The following PTPRF variants were observed in gnomAD, a reference collection of about 807,000 sequenced individuals.
PTPRF encodes protein tyrosine phosphatase receptor type F.
PTPRF carries 59 observed loss-of-function variants against 201.8 expected under a neutral mutation model. The observed-to-expected ratio is 0.29, with a 90% CI of 0.24 to 0.36. The LOEUF (loss-of-function observed/expected upper bound fraction) is 0.36, where lower values mean the gene tolerates loss of function less well. Among genes scored for constraint, PTPRF ranks in the 10% least tolerant of loss-of-function variants. PTPRF has a pLI of 1.00. For synonymous variants in PTPRF, 1,088 were observed against 1,089.7 expected (o/e 1.00, Z 0.03); for missense variants, 2,132 against 2,690.5 (o/e 0.79, Z 4.59).
intron 8 of PTPRF, 55 bp downstream of exon 8, chr1:43,589,055 G>A: frequency 1.4e-6 from 2 of 1,471,372 alleles, no homozygotes; most frequent in Non-Finnish European, 9.0e-7. Flanking sequence ...GGAGGTCCTG[G>A]TGGTGGGCGA....
At chr1:43,559,443 G>A (rs1002343022) in intron 5 of PTPRF, among the ~76,000 whole-genome samples, 3 of 152,096 alleles carry the variant, frequency 2.0e-5, no homozygotes, top group Non-Finnish European at 2.9e-5. Flanking sequence ...TGTGTGGGCA[G>A]TAGGCAGTGT....
intron 6 of PTPRF, chr1:43,575,796 T>G: frequency 7.6e-6 from 7 of 926,134 alleles, no homozygotes; most frequent in African/African-American, 1.7e-5. Flanking sequence ...TTTCTCCATG[T>G]ATTTAAGGCC....
chr1:43,619,288 C>T lies in PTPRF; in HGVS notation c.4647C>T (p.Ser1549=), dbSNP rs767692370. Residue 1549 remains serine (S), a splice_region_variant and synonymous_variant, in exon 28 of 34, where the codon AGC becomes AGT. Transcript: ENST00000359947. ...CTCAAGCTGAGCCCGTGTCCTGCAG[C>T]GCGGGCGTGGGCCGCACCGGCTGCT... The part of the protein sequence containing the change: ...LDAGPMVVHC[S]AGVGRTGCFI... 1.5e-5 allele frequency: 24 copies of T among 1,612,910 alleles called. No individual in the cohort carries two copies. Among genetic ancestry groups the T allele is most frequent in the South Asian group, 8.8e-5 (8 of 91,070 alleles).
In PTPRF at chr1:43,554,239, C is replaced by T. The variant is rs971773034; in HGVS notation, c.379+298C>T. 1.3e-5 allele frequency among the ~76,000 whole-genome samples: 2 copies of T among 152,096 alleles called. No individual in the cohort carries two copies. Among genetic ancestry groups the T allele is most frequent in the Admixed American group, 6.6e-5 (1 of 15,264 alleles). ...AGGTGTGGAGCTGCAGCTGTGTATC[C>T]CTTGGGTTACGTGGTTATGGCTGTG... is the stretch of plus-strand genomic sequence containing the variant. On this transcript the variant is annotated intron_variant, in intron 5 of 33. Coordinates refer to ENST00000359947, the MANE Select transcript of PTPRF (RefSeq NM_002840.5). This position sits in a 1 kb window ranked among gnomAD's most constrained non-coding sequence, Gnocchi z 4.1.
At chr1:43,522,368 A>T (rs1642979192), upstream of PTPRF, among the ~76,000 whole-genome samples, 1 of 152,032 alleles carries the variant, frequency 6.6e-6, no homozygotes, top group Admixed American at 6.6e-5. Flanking sequence ...CTTCCTAGTG[A>T]CTGTTCGTTT....
At position 43,588,675 on chromosome 1, in the gene PTPRF, C is replaced by T; in HGVS notation, c.680-56C>T. 3 of 1,591,126 alleles carry T rather than the reference C, an allele frequency of 1.9e-6. No homozygotes were observed. Among genetic ancestry groups the T allele is most frequent in the Non-Finnish European group, 2.6e-6 (3 of 1,169,378 alleles). On this transcript the variant is annotated intron_variant, in intron 7 of 33. Coordinates refer to ENST00000359947, the MANE Select transcript of PTPRF (RefSeq NM_002840.5). This position sits in a 1 kb window ranked among gnomAD's most constrained non-coding sequence, Gnocchi z 5.3. ...TCCTGAATGAGGGGCCCCTGCCCTT[C>T]CATGCAGTCGTGTGTCCTGCCCGGC...
At chr1:43,558,604 C>T (rs1459919436) in intron 5 of PTPRF, among the ~76,000 whole-genome samples, 1 of 152,206 alleles carries the variant, frequency 6.6e-6, no homozygotes, top group Non-Finnish European at 1.5e-5. Context: ...AAGCCATTAG[C>T]GCGCCAGCCT....
rs1659062098 is a variant in PTPRF at position 43,620,910 on chromosome 1, G to C, written c.5437G>C (p.Glu1813Gln). 6.2e-7 allele frequency: 1 copy of C among 1,614,210 alleles called. No individual in the cohort carries two copies. Among genetic ancestry groups the C allele is most frequent in the Non-Finnish European group, 8.5e-7 (1 of 1,180,020 alleles). The change falls in exon 32 of 34, where the codon GAG becomes CAG. Residue 1813 changes from glutamate to glutamine, a missense_variant. By Grantham distance (29) the Glu-to-Gln change is conservative. Transcript: ENST00000359947. ...WPEQGVPKTG[E>Q]GFIDFIGQVH... The stretch of plus-strand genomic sequence containing the variant: ...AGAGCAGGGCGTGCCCAAGACAGGC[G>C]AGGGATTCATTGACTTCATCGGGCA...
At chr1:43,611,039 G>A (rs182829099) in intron 22 of PTPRF, among the ~76,000 whole-genome samples, 31 of 152,342 alleles carry the variant, frequency 2.0e-4, no homozygotes, top group Admixed American at 2.0e-3. Flanking sequence ...TACCAAGTTT[G>A]CCAACCCCTG....
intron 5 of PTPRF, among the ~76,000 whole-genome samples, chr1:43,560,550 G>A (rs943200105): frequency 1.1e-4 from 17 of 152,154 alleles, no homozygotes; most frequent in Non-Finnish European, 2.9e-5. Flanking sequence ...CAAGCAGCCC[G>A]AGCTGAAGTG....
At chr1:43,598,495 A>G in intron 12 of PTPRF, 2 of 534,846 alleles carry the variant, frequency 3.7e-6, no homozygotes. Flanking sequence ...ACCAAGTGAG[A>G]GGCCTGGGCC....
At chr1:43,524,882 A>C (rs1643051546), upstream of PTPRF, among the ~76,000 whole-genome samples, 2 of 152,202 alleles carry the variant, frequency 1.3e-5, no homozygotes, top group South Asian at 2.1e-4. Context: ...GGAGGGCTGG[A>C]ATAGCCGTTA....
chr1:43,619,364 G>A lies in PTPRF; in HGVS notation c.4723G>A (p.Asp1575Asn), dbSNP rs374607021. The change falls in exon 28 of 34, where the codon GAC becomes AAC. Residue 1575 changes from aspartate to asparagine, a missense_variant. By Grantham distance (23) the Asp-to-Asn change is conservative. Around this residue, in one of 6 missense-constraint regions of PTPRF, gnomAD observed 519 missense variants for 659.5 expected, o/e 0.79. Transcript: ENST00000359947. ...GCGGATGAAGCACGAGAAGACGGTG[G>A]ACATCTATGGCCACGTGACCTGCAT... is the stretch of plus-strand genomic sequence containing the variant. The part of the protein sequence containing the change: ...LERMKHEKTV[D>N]IYGHVTCMRS... 2 of 1,614,048 alleles carry A rather than the reference G, an allele frequency of 1.2e-6. No homozygotes were observed. The highest frequency in any genetic ancestry group is 1.7e-6 in the Non-Finnish European group (2 of 1,180,028).
Position 43,602,222 on chromosome 1 carries a change from G to A in PTPRF, c.2340+125G>A. 3.3e-6 allele frequency: 4 copies of A among 1,217,780 alleles called. No individual in the cohort carries two copies. The Admixed American group carries it at 5.5e-5, about 17-fold the overall frequency. 75.4% of individuals were successfully genotyped at this position (1,217,780 alleles called of 1,614,324 possible). A position where few individuals can be genotyped will look rare whatever the true frequency, so the allele number is the denominator to read the frequency against. ...ATCCACAGGGCTCTAGCCACATCAG[G>A]AGAAAATTGGCGTTTAGACACAAGC... On this transcript the variant is annotated intron_variant, in intron 14 of 33. Transcript: ENST00000359947.
At chr1:43,579,622 T>A (rs1245803431) in intron 7 of PTPRF, 1 of 264,926 alleles carries the variant, frequency 3.8e-6, no homozygotes, top group African/African-American at 2.2e-5. Flanking sequence ...CAATCTCTGC[T>A]ATGCTCACAG....
In PTPRF at chr1:43,538,241, C is replaced by T. The variant is rs1487110480; in HGVS notation, c.-82C>T. ...GTGCCCGGCCCTTGGTGCTGAGTAT[C>T]CAGCAAGAGTGACCGGGGTGAAGAA... is the stretch of plus-strand genomic sequence containing the variant. On this transcript the variant is annotated 5_prime_UTR_variant, in exon 2 of 34. Coordinates refer to ENST00000359947, the MANE Select transcript of PTPRF (RefSeq NM_002840.5). 1 of 398,490 alleles carries T rather than the reference C, an allele frequency of 2.5e-6. No individual in the cohort carries two copies. The highest frequency in any genetic ancestry group is 2.1e-5 in the African/African-American group (1 of 48,604). The allele number at this position is 398,490 out of a possible 1,614,324, so 24.7% of individuals were successfully genotyped here.
Position 43,546,815 on chromosome 1 carries a change from C to T in PTPRF, c.91+1649C>T, listed in dbSNP as rs2153966063. On this transcript the variant is annotated intron_variant, in intron 3 of 33. Transcript: ENST00000359947. This position sits in a 1 kb window ranked among gnomAD's most constrained non-coding sequence, Gnocchi z 4.2. ...CGGTCACCCAAGTCAGAACCTGGGC[C>T]TCCTCCAGCCTCCTCCCTCCGTGAT... is the stretch of plus-strand genomic sequence containing the variant. Among the ~76,000 whole-genome samples, 1 of 152,290 alleles carries T rather than the reference C, an allele frequency of 6.6e-6. No individual in the cohort carries two copies. Among genetic ancestry groups the T allele is most frequent in the South Asian group, 2.1e-4 (1 of 4,824 alleles).
chr1:43,597,756 G>A lies in PTPRF; in HGVS notation c.1822G>A (p.Ala608Thr), dbSNP rs1217817504. Residue 608 changes from alanine (A) to threonine (T), a missense_variant, in exon 12 of 34, where the codon GCC becomes ACC. By Grantham distance (58) the Ala-to-Thr change is moderately conservative. Coordinates refer to ENST00000359947, the MANE Select transcript of PTPRF (RefSeq NM_002840.5). ...CCATTTGTCTTCCCCAGCCCCCTCC[G>A]CCCCTCCCCAGAAGGTGATGTGTGT... ...EARTAQSTPS[A>T]PPQKVMCVSM... is the part of the protein sequence containing the mutation. 10 of 649,904 alleles carry A rather than the reference G, an allele frequency of 1.5e-5. No individual in the cohort carries two copies. The South Asian group carries it at 2.0e-4, about 13-fold the overall frequency. The allele number at this position is 649,904 out of a possible 1,614,324, so 40.3% of individuals were successfully genotyped here.
At chr1:43,574,250 C>T (rs1646777682) in intron 6 of PTPRF, among the ~76,000 whole-genome samples, 1 of 151,982 alleles carries the variant, frequency 6.6e-6, no homozygotes, top group African/African-American at 2.4e-5. Context: ...CCCGCCTCAG[C>T]CTCCCAAAGT....
Sources: gnomAD v4.1 joint callset for allele counts (sites outside exome capture counted in the v4.1 genomes callset) on GRCh38, gnomAD v4.1.1 for gene constraint, gnomAD v4.1.1 regional missense constraint, Gnocchi (gnomAD v3.1) non-coding constraint, MANE v1.5 for transcripts, NCBI Gene and HGNC (gene_info 2026-07-23, HGNC 2026-07-21) for gene names.